SLC8A1: variants seen among roughly 807,000 people sequenced by gnomAD.
SLC8A1 encodes the protein sodium/calcium exchanger 1.
A neutral mutation model predicts 68.3 loss-of-function variants in SLC8A1; 18 were observed. The ratio of observed to expected loss-of-function variants is 0.26; its 90% CI spans 0.18 to 0.39. The LOEUF (loss-of-function observed/expected upper bound fraction) is 0.39. SLC8A1 is among the 10% of genes least tolerant of loss of function. SLC8A1 has a pLI of 1.00. For missense variants in SLC8A1, 985 were observed against 1,156.7 expected (o/e 0.85, Z 2.15); for synonymous variants, 475 against 415.5 (o/e 1.14, Z -1.74).
intron 2 of SLC8A1, among the ~76,000 whole-genome samples, chr2:40,200,245 T>TATATATATTTTTTTATATATATATATAA (rs2054060823): frequency 5.9e-5 from 1 of 16,844 alleles, no homozygotes; most frequent in African/African-American, 1.5e-4. Flanking sequence ...TATAAATATA[T>TATATATATTTTTTTATATATATATATAA]ATATATATAT....
At chr2:40,214,486 G>A (rs1411994429) in intron 2 of SLC8A1, among the ~76,000 whole-genome samples, 2 of 148,222 alleles carry the variant, frequency 1.3e-5, no homozygotes, top group Non-Finnish European at 3.0e-5. Context: ...ACTGTCTCCT[G>A]GGCTGGAGTG....
chr2:40,469,599 A>T (rs1328216161), intron 1 of SLC8A1, among the ~76,000 whole-genome samples: 1 of 151,592 alleles, frequency 6.6e-6, no homozygotes, highest in Non-Finnish European at 1.5e-5. Flanking sequence ...TTTTATTTTT[A>T]TTTTTTTTGC....
chr2:40,481,653 G>A (rs922216688), intron 1 of SLC8A1, among the ~76,000 whole-genome samples: 2 of 152,178 alleles, frequency 1.3e-5, no homozygotes, highest in African/African-American at 4.8e-5. Context: ...AGTAGGGGGA[G>A]AAAGTGGAAT....
intron 2 of SLC8A1, among the ~76,000 whole-genome samples, chr2:40,299,517 T>C (rs915675803): frequency 5.2e-5 from 7 of 133,376 alleles, no homozygotes; most frequent in African/African-American, 1.9e-4. Flanking sequence ...GATGTGACGT[T>C]AGGAAGGCAA....
At chr2:40,161,208 T>C (rs897069281) in intron 5 of SLC8A1, among the ~76,000 whole-genome samples, 1 of 152,204 alleles carries the variant, frequency 6.6e-6, no homozygotes, top group Non-Finnish European at 1.5e-5. Flanking sequence ...TAGTGTTTCG[T>C]CTGCAAGTGA....
intron 2 of SLC8A1, among the ~76,000 whole-genome samples, chr2:40,425,764 T>G (rs528833031): frequency 4.6e-5 from 7 of 152,006 alleles, no homozygotes; most frequent in African/African-American, 1.7e-4. Flanking sequence ...TGGATCTGAC[T>G]GTATGGAAAT....
chr2:40,377,618 T>C (rs1680335046), intron 2 of SLC8A1, among the ~76,000 whole-genome samples: 1 of 152,084 alleles, frequency 6.6e-6, no homozygotes, highest in Non-Finnish European at 1.5e-5. Context: ...TGTTTTTTTC[T>C]CAAGTAATTT....
At chr2:40,448,333 T>C (rs1701827340) in intron 1 of SLC8A1, among the ~76,000 whole-genome samples, 1 of 152,148 alleles carries the variant, frequency 6.6e-6, no homozygotes, top group South Asian at 2.1e-4. Flanking sequence ...AAACCGAAAG[T>C]AATCCCGCTG....
At chr2:40,415,706 A>T (rs574324071) in intron 2 of SLC8A1, among the ~76,000 whole-genome samples, 1 of 152,050 alleles carries the variant, frequency 6.6e-6, no homozygotes, top group South Asian at 2.1e-4. Flanking sequence ...AGCAATCTCA[A>T]CCAGGTGTGG....
intron 2 of SLC8A1, among the ~76,000 whole-genome samples, chr2:40,391,262 A>C (rs1420269066): frequency 6.6e-6 from 1 of 151,916 alleles, no homozygotes; most frequent in Non-Finnish European, 1.5e-5. Context: ...AAGTAATTCC[A>C]TTCTGGGAGA....
At chr2:40,500,487 C>A (rs1422771550) in intron 1 of SLC8A1, among the ~76,000 whole-genome samples, 1 of 152,000 alleles carries the variant, frequency 6.6e-6, no homozygotes, top group East Asian at 1.9e-4. Context: ...CCCGTAGTTG[C>A]TAGTTTGTTC....
chr2:40,258,393 G>A (rs1444154318), intron 2 of SLC8A1, among the ~76,000 whole-genome samples: 1 of 152,150 alleles, frequency 6.6e-6, no homozygotes, highest in Non-Finnish European at 1.5e-5. Context: ...ACTGACATTC[G>A]TATTTCCTTC....
At chr2:40,259,693 G>T (rs900327071) in intron 2 of SLC8A1, among the ~76,000 whole-genome samples, 1 of 151,984 alleles carries the variant, frequency 6.6e-6, no homozygotes. Context: ...CTTTTCTTAG[G>T]GTTTGGAGGT....
chr2:40,231,746 T>C (rs1226453293), intron 2 of SLC8A1, among the ~76,000 whole-genome samples: 1 of 152,142 alleles, frequency 6.6e-6, no homozygotes, highest in East Asian at 1.9e-4. Flanking sequence ...TGTGTGTATT[T>C]TTCATCAAGA....
intron 2 of SLC8A1, among the ~76,000 whole-genome samples, chr2:40,421,945 T>A (rs111622310): frequency 9.9e-5 from 15 of 152,126 alleles, no homozygotes; most frequent in African/African-American, 3.6e-4. Context: ...ATGCTTCCCA[T>A]ATTGTTAATT....
chr2:40,505,641 C>T (rs1248105879), intron 1 of SLC8A1, among the ~76,000 whole-genome samples: 1 of 151,836 alleles, frequency 6.6e-6, no homozygotes, highest in African/African-American at 2.4e-5. Flanking sequence ...GAATATAAGT[C>T]AAAGGGGAGC....
At chr2:40,262,197 G>T (rs980917205) in intron 2 of SLC8A1, among the ~76,000 whole-genome samples, 1 of 152,166 alleles carries the variant, frequency 6.6e-6, no homozygotes, top group African/African-American at 2.4e-5. Context: ...TCCTGACCTT[G>T]TGATCCGCCC....
chr2:40,275,668 A>C (rs764950198), intron 2 of SLC8A1, among the ~76,000 whole-genome samples: 95 of 152,178 alleles, frequency 6.2e-4, no homozygotes, highest in Non-Finnish European at 4.9e-4. Context: ...TTTAAAATGA[A>C]GGTCATTTAA....
intron 7 of SLC8A1, among the ~76,000 whole-genome samples, chr2:40,133,686 T>C (rs2039879517): frequency 7.3e-6 from 1 of 136,494 alleles, no homozygotes; most frequent in African/African-American, 2.8e-5. Flanking sequence ...AAGGCAAGAC[T>C]TAATGGGGCA....
Sources: allele counts gnomAD v4.1 joint callset (sites outside exome capture counted in the v4.1 genomes callset), GRCh38; gene constraint gnomAD v4.1.1; transcripts MANE v1.5; gene names NCBI Gene and HGNC (gene_info 2026-07-23, HGNC 2026-07-21).